SOD2: variants seen among roughly 807,000 people sequenced by gnomAD.
SOD2 encodes superoxide dismutase [Mn], mitochondrial.
SOD2 carries 11 observed loss-of-function variants against 27.0 expected under a neutral mutation model. The observed-to-expected ratio is 0.41, with a 90% CI of 0.26 to 0.67. The LOEUF is 0.67. SOD2 is among the 30% of genes least tolerant of loss of function. The pLI is 0.34. For synonymous variants in SOD2, 105 were observed against 103.0 expected, an observed-to-expected ratio of 1.02 and a Z score of -0.12; for missense variants, 250 against 274.5, an observed-to-expected ratio of 0.91 and a Z score of 0.63.
chr6:159,687,822 C>T (rs1365492781), intron 3 of SOD2, among the ~76,000 whole-genome samples: 1 of 152,064 alleles, frequency 6.6e-6, no homozygotes, highest in Non-Finnish European at 1.5e-5. Flanking sequence ...GCCTGGCCAA[C>T]ATGGTGAATG....
chr6:159,726,670 C>A lies in SOD2; in HGVS notation c.-116+459G>T, dbSNP rs9457714. The A allele has an allele frequency of 4.6e-4, 378 of 828,414 alleles. 1 individual carries two copies. In the African/African-American group the frequency reaches 6.3e-3, roughly 14 times the overall value. The allele number at this position is 828,414 out of a possible 1,614,324, so 51.3% of individuals were successfully genotyped here. On this transcript the variant is annotated intron_variant, in intron 1 of 2. Coordinates refer to the SOD2 transcript ENST00000401980. The stretch of plus-strand genomic sequence containing the variant: ...CTAAACCTCACAGGGCCGCCTTCCC[C>A]GTGTTCCAGTTAGCAAGGGGCCCTC...
chr6:159,683,806 T>C (rs3798215), intron 4 of SOD2, among the ~76,000 whole-genome samples: 33,787 of 152,040 alleles, frequency 0.22, 3,978 homozygotes, highest in East Asian at 0.4. Context: ...CAAATTGTTA[T>C]GCCATGTCAC....
chr6:159,733,926 A>AG (rs1778748171), intron 1 of SOD2, among the ~76,000 whole-genome samples: 1 of 152,214 alleles, frequency 6.6e-6, no homozygotes, highest in South Asian at 2.1e-4. Flanking sequence ...CCAAAAAAAA[A>AG]GATTAAACAG....
chr6:159,698,709 A>C (rs1406689894), intron 1 of SOD2, among the ~76,000 whole-genome samples: 1 of 152,016 alleles, frequency 6.6e-6, no homozygotes, highest in Non-Finnish European at 1.5e-5. Flanking sequence ...CAATAACATA[A>C]AGTTTGTACA....
intron 1 of SOD2, among the ~76,000 whole-genome samples, chr6:159,735,243 C>T (rs902871166): frequency 8.5e-5 from 13 of 152,232 alleles, no homozygotes; most frequent in Non-Finnish European, 1.5e-4. Flanking sequence ...CAGGTTCAGG[C>T]GATTCCTGCC....
intron 3 of SOD2, among the ~76,000 whole-genome samples, chr6:159,687,468 G>A (rs1780244623): frequency 7.0e-6 from 1 of 143,776 alleles, no homozygotes; most frequent in South Asian, 2.3e-4. Context: ...CTGGGCGACT[G>A]TAAGACTCCG....
intron 3 of SOD2, among the ~76,000 whole-genome samples, chr6:159,685,487 C>T (rs1229029452): frequency 2.6e-5 from 4 of 152,086 alleles, no homozygotes; most frequent in Non-Finnish European, 5.9e-5. Flanking sequence ...GGTGATCCAC[C>T]CGCCTTGGCC....
At chr6:159,722,201 G>C (rs920567926) in intron 1 of SOD2, among the ~76,000 whole-genome samples, 1 of 151,760 alleles carries the variant, frequency 6.6e-6, no homozygotes, top group Non-Finnish European at 1.5e-5. Context: ...AACATAGCAA[G>C]ACCCCATCTC....
chr6:159,738,543 T>G (rs1779057266), intron 1 of SOD2, among the ~76,000 whole-genome samples: 2 of 152,248 alleles, frequency 1.3e-5, no homozygotes, highest in African/African-American at 4.8e-5. Flanking sequence ...GCTGCTTGCA[T>G]GTTTTCATTT....
At position 159,669,888 on chromosome 6, in the gene SOD2, G is replaced by A. The variant is rs1288594020; in HGVS notation, c.*12605C>T. ...AGCATACAGTCGAGTCATGATGGTG[G>A]TTTTTAATCCATTCAGTCAATCTAT... On this transcript the variant is annotated 3_prime_UTR_variant, in exon 5 of 5. Coordinates refer to ENST00000538183, the MANE Select transcript of SOD2 (RefSeq NM_000636.4). 1 of 152,176 alleles carries A rather than the reference G, an allele frequency of 6.6e-6. No individual in the cohort carries two copies. Among genetic ancestry groups the A allele is most frequent in the African/African-American group, 2.4e-5 (1 of 41,432 alleles). 9.4% of individuals were successfully genotyped at this position (152,176 alleles called of 1,614,324 possible).
At position 159,692,720 on chromosome 6, in the gene SOD2, G is replaced by A. The variant is rs953038635; in HGVS notation, c.167C>T (p.Ala56Val). ...GACGTTCAGGTTGTTCACGTAGGCC[G>A]CGTGGTGCTTGCTGTGGTGCAGCTG... ...IMQLHHSKHH[A>V]AYVNNLNVTE... The change falls in exon 2 of 5, where the codon GCG becomes GTG. Residue 56 changes from alanine (A) to valine (V), a missense_variant. Physicochemically the swap from Ala to Val is moderately conservative, Grantham distance 64 (BLOSUM62 0). Transcript: ENST00000538183. 2 of 1,614,144 alleles carry A rather than the reference G, an allele frequency of 1.2e-6. No homozygotes were observed. The highest frequency in any genetic ancestry group is 1.7e-5 in the Admixed American group (1 of 60,024).
chr6:159,682,510 T>A lies in SOD2; in HGVS notation c.652A>T (p.Met218Leu). ...INWENVTERY[M>L]ACKK Reference sequence around the variant, plus strand: ...ATCGTGGTTTACTTTTTGCAAGCCATGTATCTTTCAGTTACATTCTCCCAG... The same window carrying A: ...ATCGTGGTTTACTTTTTGCAAGCCAAGTATCTTTCAGTTACATTCTCCCAG... The change falls in exon 5 of 5, where the codon ATG becomes TTG. Residue 218 changes from methionine (M) to leucine (L), a missense_variant. Coordinates refer to ENST00000538183, the MANE Select transcript of SOD2 (RefSeq NM_000636.4). 1 of 1,613,726 alleles carries A rather than the reference T, an allele frequency of 6.2e-7. No homozygotes were observed. Among genetic ancestry groups the A allele is most frequent in the Non-Finnish European group, 8.5e-7 (1 of 1,179,898 alleles).
chr6:159,742,744 A>G (rs1021247606), intron 1 of SOD2, among the ~76,000 whole-genome samples: 2 of 152,302 alleles, frequency 1.3e-5, no homozygotes, highest in Non-Finnish European at 2.9e-5. Flanking sequence ...TGTGTTACCC[A>G]TAGAAGTCAT....
chr6:159,738,956 G>T, intron 1 of SOD2: 1 of 1,546,698 alleles, frequency 6.5e-7, no homozygotes, highest in Non-Finnish European at 8.9e-7. Flanking sequence ...TCTTCAGGAA[G>T]AACACTAAAT....
chr6:159,726,790 G>C, intron 1 of SOD2: 1 of 1,289,202 alleles, frequency 7.8e-7, no homozygotes, highest in South Asian at 1.2e-5. Context: ...CCAGCGGCCA[G>C]GAGACTGCGC....
intron 1 of SOD2, chr6:159,727,069 T>A (rs947797025): frequency 3.3e-6 from 4 of 1,213,434 alleles, no homozygotes; most frequent in Non-Finnish European, 4.2e-6. Flanking sequence ...CTTCCCGTGA[T>A]GCCCTGGGGC....
intron 1 of SOD2, among the ~76,000 whole-genome samples, chr6:159,700,386 G>A (rs1777502829): frequency 6.6e-6 from 1 of 152,178 alleles, no homozygotes; most frequent in Non-Finnish European, 1.5e-5. Flanking sequence ...CAGGCGCGGT[G>A]GCTCACGCCT....
intron 1 of SOD2, among the ~76,000 whole-genome samples, chr6:159,709,989 C>T (rs1298302471): frequency 1.3e-5 from 2 of 151,346 alleles, no homozygotes; most frequent in Non-Finnish European, 2.9e-5. Context: ...ACGCTGGAAA[C>T]CATCATTCTC....
intron 3 of SOD2, 104 bp downstream of exon 3, chr6:159,688,022 A>G: frequency 1.3e-6 from 1 of 748,144 alleles, no homozygotes; most frequent in Admixed American, 2.2e-5. Flanking sequence ...CAAAAAAACA[A>G]CAACAAAAAA....
Sources: allele counts gnomAD v4.1 joint callset (sites outside exome capture counted in the v4.1 genomes callset), GRCh38; gene constraint gnomAD v4.1.1; transcripts MANE v1.5; gene names NCBI Gene and HGNC (gene_info 2026-07-23, HGNC 2026-07-21).